Variants in PHLPP1 observed in about 807,000 individuals in gnomAD.
The protein encoded by PHLPP1 is PH domain and leucine rich repeat protein phosphatase 1.
A neutral mutation model predicts 117.2 loss-of-function variants in PHLPP1; 42 were observed. That is an observed-to-expected ratio of 0.36 (90% CI 0.28 to 0.46). PHLPP1 has a LOEUF of 0.46. PHLPP1 is among the 20% of genes least tolerant of loss of function. The probability of loss-of-function intolerance (pLI) is 1.00; values close to 1 mark genes in which losing one functional copy is unlikely to be tolerated. For missense variants in PHLPP1, 2,084 were observed against 2,241.9 expected, an observed-to-expected ratio of 0.93 and a Z score of 1.42; for synonymous variants, 1,042 against 970.7, an observed-to-expected ratio of 1.07 and a Z score of -1.37.
chr18:62,728,910 G>A lies in PHLPP1; in HGVS notation c.1576+11651G>A, dbSNP rs546724172. ...TTTTTTTTTTGGCTAGCCTGAGAAG[G>A]GGGTTCCATGTGTTGTCTTGAACTG... On this transcript the variant is annotated intron_variant, in intron 1 of 16. Coordinates refer to ENST00000262719, the MANE Select transcript of PHLPP1 (RefSeq NM_194449.4). Among the ~76,000 whole-genome samples the A allele has an allele frequency of 3.9e-5, 6 of 152,194 alleles. No homozygotes were observed. The East Asian group carries it at 1.2e-3, about 29-fold the overall frequency.
chr18:62,876,187 C>A (rs1181265984), intron 4 of PHLPP1, among the ~76,000 whole-genome samples: 1 of 152,090 alleles, frequency 6.6e-6, no homozygotes, highest in East Asian at 1.9e-4. Flanking sequence ...AAAGGAGATA[C>A]TAGTTTTAAA....
chr18:62,804,651 T>C (rs1244243807), intron 1 of PHLPP1, among the ~76,000 whole-genome samples: 1 of 152,108 alleles, frequency 6.6e-6, no homozygotes, highest in African/African-American at 2.4e-5. Flanking sequence ...TAGTTATATA[T>C]GTTACAGTTA....
At chr18:62,762,692 G>A (rs575955850) in intron 1 of PHLPP1, among the ~76,000 whole-genome samples, 1 of 152,054 alleles carries the variant, frequency 6.6e-6, no homozygotes, top group East Asian at 1.9e-4. Context: ...GGGATTACAA[G>A]TGTGAGCCAC....
At chr18:62,746,662 T>C (rs556069318) in intron 1 of PHLPP1, among the ~76,000 whole-genome samples, 2 of 152,218 alleles carry the variant, frequency 1.3e-5, no homozygotes, top group South Asian at 4.1e-4. Context: ...ATCTAACATT[T>C]TGCTGTGCTT....
intron 1 of PHLPP1, among the ~76,000 whole-genome samples, chr18:62,757,613 A>AG (rs1912068631): frequency 6.6e-6 from 1 of 152,244 alleles, no homozygotes; most frequent in African/African-American, 2.4e-5. Context: ...GTGCTGGTAG[A>AG]GGTAGACTCT....
chr18:62,770,213 C>T (rs1015864409), intron 1 of PHLPP1, among the ~76,000 whole-genome samples: 8 of 152,170 alleles, frequency 5.3e-5, no homozygotes, highest in African/African-American at 1.4e-4. Flanking sequence ...TGGTTTCAAG[C>T]GATTCTCCTG....
intron 1 of PHLPP1, among the ~76,000 whole-genome samples, chr18:62,821,071 A>G (rs1914438412): frequency 1.3e-5 from 2 of 152,218 alleles, no homozygotes; most frequent in South Asian, 4.1e-4. Flanking sequence ...TGAAAAGTTA[A>G]AACACAATAT....
intron 1 of PHLPP1, among the ~76,000 whole-genome samples, chr18:62,765,748 C>A (rs1661268788): frequency 6.6e-6 from 1 of 152,038 alleles, no homozygotes; most frequent in Non-Finnish European, 1.5e-5. Context: ...GTAATCCCAG[C>A]ACTATGGGAA....
At chr18:62,836,768 A>C (rs1451910718) in intron 2 of PHLPP1, among the ~76,000 whole-genome samples, 2 of 151,904 alleles carry the variant, frequency 1.3e-5, no homozygotes, top group Non-Finnish European at 2.9e-5. Flanking sequence ...TCTATATTTT[A>C]AATGGCTATA....
intron 1 of PHLPP1, among the ~76,000 whole-genome samples, chr18:62,800,444 A>G (rs978738146): frequency 6.6e-6 from 1 of 152,198 alleles, no homozygotes; most frequent in Non-Finnish European, 1.5e-5. Flanking sequence ...AGCTGGCTCT[A>G]TAGTTAATAT....
intron 1 of PHLPP1, among the ~76,000 whole-genome samples, chr18:62,723,631 C>T (rs1357211840): frequency 6.6e-6 from 1 of 151,972 alleles, no homozygotes; most frequent in Non-Finnish European, 1.5e-5. Context: ...TTTCAAATAC[C>T]AGGCATGTTT....
chr18:62,865,808 A>T (rs1374252815), intron 4 of PHLPP1, among the ~76,000 whole-genome samples: 1 of 152,196 alleles, frequency 6.6e-6, no homozygotes, highest in African/African-American at 2.4e-5. Flanking sequence ...GCATGTTCTT[A>T]CTTATAAGTG....
At chr18:62,952,737 C>T (rs1910499726) in intron 12 of PHLPP1, among the ~76,000 whole-genome samples, 1 of 152,122 alleles carries the variant, frequency 6.6e-6, no homozygotes, top group Non-Finnish European at 1.5e-5. Flanking sequence ...CAGGAAGCTC[C>T]CACCTCGGCT....
At chr18:62,893,722 T>A (rs1028908512) in intron 4 of PHLPP1, among the ~76,000 whole-genome samples, 2 of 152,206 alleles carry the variant, frequency 1.3e-5, no homozygotes, top group Non-Finnish European at 2.9e-5. Flanking sequence ...ACGCAGTCAC[T>A]AATATGATTC....
At chr18:62,864,666 A>G (rs1191189562) in intron 4 of PHLPP1, among the ~76,000 whole-genome samples, 3 of 152,234 alleles carry the variant, frequency 2.0e-5, no homozygotes, top group African/African-American at 7.2e-5. Context: ...TAAACTAAAT[A>G]AGAAGGCTTT....
intron 1 of PHLPP1, among the ~76,000 whole-genome samples, chr18:62,724,249 C>G (rs957389135): frequency 2.6e-5 from 4 of 152,208 alleles, no homozygotes; most frequent in Non-Finnish European, 4.4e-5. Flanking sequence ...TAGCAAGATG[C>G]CTTCATAGTC....
At chr18:62,747,276 CTTTTTTTTTT>C (rs564178033) in intron 1 of PHLPP1, among the ~76,000 whole-genome samples, 10 of 123,210 alleles carry the variant, frequency 8.1e-5, no homozygotes, top group South Asian at 2.5e-4. Context: ...TCTTCATTTC[CTTTTTTTTTT>C]TTTTTTTTTT....
intron 3 of PHLPP1, among the ~76,000 whole-genome samples, chr18:62,857,723 T>G (rs1448709419): frequency 6.6e-6 from 1 of 152,240 alleles, no homozygotes; most frequent in African/African-American, 2.4e-5. Flanking sequence ...TTCTGTGTCC[T>G]TGCACTTCCT....
chr18:62,852,121 C>T (rs978540548), intron 3 of PHLPP1, among the ~76,000 whole-genome samples: 6 of 151,954 alleles, frequency 3.9e-5, no homozygotes, highest in Admixed American at 6.6e-5. Context: ...CTCAAGTGGT[C>T]CTCCCGCCTC....
Sources: allele counts gnomAD v4.1 joint callset (sites outside exome capture counted in the v4.1 genomes callset), GRCh38; gene constraint gnomAD v4.1.1; transcripts MANE v1.5; gene names NCBI Gene and HGNC (gene_info 2026-07-23, HGNC 2026-07-21).